The following PRICKLE1 variants were observed in gnomAD, a reference collection of about 807,000 sequenced individuals.
PRICKLE1 encodes the protein prickle planar cell polarity protein 1, also known as prickle-like protein 1.
Under a neutral mutation model 70.2 loss-of-function variants are expected in PRICKLE1, and 14 were observed. That is an observed-to-expected ratio of 0.20 (90% confidence interval 0.13 to 0.31). The LOEUF (loss-of-function observed/expected upper bound fraction) is 0.31. Among genes scored for constraint, PRICKLE1 ranks in the 10% least tolerant of loss-of-function variants. The pLI is 1.00. For missense variants in PRICKLE1, 821 were observed against 1,026.2 expected, an observed-to-expected ratio of 0.80 and a Z score of 2.73; for synonymous variants, 357 against 379.9, an observed-to-expected ratio of 0.94 and a Z score of 0.70.
At chr12:42,525,636 C>T (rs1939787457) in intron 1 of PRICKLE1, among the ~76,000 whole-genome samples, 1 of 152,014 alleles carries the variant, frequency 6.6e-6, no homozygotes, top group Non-Finnish European at 1.5e-5. Flanking sequence ...AATTTCCACA[C>T]ACTTCCTGGT....
intron 1 of PRICKLE1, among the ~76,000 whole-genome samples, chr12:42,561,438 GT>G (rs1191052825): frequency 6.6e-6 from 1 of 152,022 alleles, no homozygotes; most frequent in Non-Finnish European, 1.5e-5. Context: ...CAACTTGTAA[GT>G]TTTGTAACAG....
rs117438114 is a variant in PRICKLE1 at position 42,472,857 on chromosome 12, G to A, written c.-48-293C>T. On this transcript the variant is annotated intron_variant, in intron 1 of 7. Transcript: ENST00000345127. ...TCTCTACAGTCGATTCCTTAGAAAA[G>A]TTCTCAAGAAAGTTGATGTGTTGAC... 0.054 allele frequency among the ~76,000 whole-genome samples: 8,160 copies of A among 152,246 alleles called. 312 individuals carry two copies. The highest frequency in any genetic ancestry group is 0.081 in the Non-Finnish European group (5,528 of 68,024).
intron 1 of PRICKLE1, among the ~76,000 whole-genome samples, chr12:42,498,563 G>T (rs895618726): frequency 6.6e-6 from 1 of 152,190 alleles, no homozygotes; most frequent in Non-Finnish European, 1.5e-5. Context: ...CAGGAGGATT[G>T]TTTGAGCCCA....
At chr12:42,532,148 C>G (rs761592181) in intron 1 of PRICKLE1, among the ~76,000 whole-genome samples, 6 of 152,170 alleles carry the variant, frequency 3.9e-5, no homozygotes, top group Admixed American at 6.5e-5. Context: ...CTGGCCCACA[C>G]AGCAAGACTC....
intron 2 of PRICKLE1, 139 bp from the exon 3 acceptor site, chr12:42,470,498 C>A (rs1593114170): frequency 4.3e-6 from 3 of 691,568 alleles, no homozygotes; most frequent in Middle Eastern, 2.4e-4. Flanking sequence ...GCCAACTCAG[C>A]AGAACTGCAA....
chr12:42,466,363 C>T lies in PRICKLE1; in HGVS notation c.606G>A (p.Glu202=), dbSNP rs1938097969. 1 of 1,614,112 alleles carries T rather than the reference C, an allele frequency of 6.2e-7. No individual in the cohort carries two copies. Among genetic ancestry groups the T allele is most frequent in the Non-Finnish European group, 8.5e-7 (1 of 1,180,014 alleles). Reference sequence around the variant, plus strand: ...AATGGCGACCCTCAGCTTCTGTGCACTCATCAGCAAAAATTATCTTCAAAA... The same window carrying T: ...AATGGCGACCCTCAGCTTCTGTGCATTCATCAGCAAAAATTATCTTCAAAA... ...SACDEIIFAD[E]CTEAEGRHWH... is the part of the protein sequence containing the mutation. The change falls in exon 6 of 8, where the codon GAG becomes GAA. Residue 202 remains glutamate (E), a synonymous_variant. Coordinates refer to ENST00000345127, the MANE Select transcript of PRICKLE1 (RefSeq NM_153026.3).
At chr12:42,527,612 G>A (rs531585566) in intron 1 of PRICKLE1, among the ~76,000 whole-genome samples, 4 of 152,238 alleles carry the variant, frequency 2.6e-5, no homozygotes. Flanking sequence ...CATGGCATAT[G>A]CCTGGCACAG....
chr12:42,560,678 T>C (rs1267085403), intron 1 of PRICKLE1, among the ~76,000 whole-genome samples: 1 of 152,008 alleles, frequency 6.6e-6, no homozygotes. Flanking sequence ...GCTCTTACTA[T>C]TCACAACTAA....
At chr12:42,463,662 G>A (rs147748487) in intron 7 of PRICKLE1, 3 of 152,390 alleles carry the variant, frequency 2.0e-5, no homozygotes, top group Non-Finnish European at 2.9e-5. Context: ...GGAGGTTGCA[G>A]TGAGGTGAGA....
intron 1 of PRICKLE1, among the ~76,000 whole-genome samples, chr12:42,490,833 A>T (rs948548654): frequency 9.9e-5 from 15 of 152,150 alleles, no homozygotes; most frequent in African/African-American, 3.4e-4. Flanking sequence ...GAGACACAGT[A>T]ACTGAAGGAC....
chr12:42,534,561 TG>T (rs913319396), intron 1 of PRICKLE1, among the ~76,000 whole-genome samples: 27 of 152,290 alleles, frequency 1.8e-4, no homozygotes, highest in Admixed American at 1.0e-3. Flanking sequence ...CACATAAGAA[TG>T]GGTTAATTCT....
At chr12:42,588,219 A>G (rs1260659535) in intron 1 of PRICKLE1, among the ~76,000 whole-genome samples, 1 of 152,214 alleles carries the variant, frequency 6.6e-6, no homozygotes, top group Non-Finnish European at 1.5e-5. Context: ...GCCTGTCTGA[A>G]AAGACAGATG....
chr12:42,539,998 A>T (rs1479234785), intron 1 of PRICKLE1, among the ~76,000 whole-genome samples: 2 of 152,206 alleles, frequency 1.3e-5, no homozygotes. Flanking sequence ...ATCAACTGTG[A>T]TCAGTACAAC....
At position 42,504,964 on chromosome 12, in the gene PRICKLE1, A is replaced by G. The variant is rs576386672; in HGVS notation, c.-48-32400T>C. On this transcript the variant is annotated intron_variant, in intron 1 of 7. Transcript: ENST00000345127. ...AGATCAGCCTGACCAACATGATGAA[A>G]CCCGGTCTCTACTAAAAATACAAAA... 6.7e-5 allele frequency among the ~76,000 whole-genome samples: 10 copies of G among 148,882 alleles called. No individual in the cohort carries two copies. In the East Asian group the frequency reaches 1.2e-3, roughly 17 times the overall value.
At chr12:42,487,076 T>C (rs1207236078) in intron 1 of PRICKLE1, among the ~76,000 whole-genome samples, 1 of 152,218 alleles carries the variant, frequency 6.6e-6, no homozygotes, top group Non-Finnish European at 1.5e-5. Context: ...CACAAAACCC[T>C]TGGGATCCTA....
At chr12:42,520,730 G>C (rs1939695309) in intron 1 of PRICKLE1, among the ~76,000 whole-genome samples, 1 of 152,166 alleles carries the variant, frequency 6.6e-6, no homozygotes, top group Admixed American at 6.6e-5. Flanking sequence ...GATTAGATTT[G>C]GTTGGCTAGC....
intron 1 of PRICKLE1, among the ~76,000 whole-genome samples, chr12:42,502,995 T>C (rs1566104699): frequency 6.6e-6 from 1 of 152,190 alleles, no homozygotes; most frequent in Non-Finnish European, 1.5e-5. Context: ...TATTTTAAAA[T>C]GTAAACGGAA....
At position 42,469,442 on chromosome 12, in the gene PRICKLE1, C is replaced by A; in HGVS notation, c.384+8G>T. ...CACAAGCTACGCATCAGAGAAGGGG[C>A]TGCTCACCTGCTCACACACAGCATG... On this transcript the variant is annotated splice_region_variant and intron_variant, in intron 4 of 7. Coordinates refer to ENST00000345127, the MANE Select transcript of PRICKLE1 (RefSeq NM_153026.3). The A allele has an allele frequency of 6.2e-7, 1 of 1,613,930 alleles. No individual in the cohort carries two copies.
At chr12:42,528,058 T>C (rs1047550817) in intron 1 of PRICKLE1, among the ~76,000 whole-genome samples, 2 of 151,272 alleles carry the variant, frequency 1.3e-5, no homozygotes, top group Admixed American at 6.6e-5. Context: ...ATGGTAAAGC[T>C]AACCTTCTTT....
Sources: gnomAD v4.1 joint callset for allele counts (sites outside exome capture counted in the v4.1 genomes callset) on GRCh38, gnomAD v4.1.1 for gene constraint, MANE v1.5 for transcripts, NCBI Gene and HGNC (gene_info 2026-07-23, HGNC 2026-07-21) for gene names.